Variants in MTHFD1L observed in about 807,000 individuals in gnomAD.
MTHFD1L encodes the protein methylenetetrahydrofolate dehydrogenase (NADP+ dependent) 1 like.
A neutral mutation model predicts 119.5 loss-of-function variants in MTHFD1L; 81 were observed. The ratio of observed to expected loss-of-function variants is 0.68; its 90% CI spans 0.57 to 0.82. The LOEUF is 0.82. Among genes scored for constraint, MTHFD1L ranks in the 40% least tolerant of loss-of-function variants. The pLI is 0.00. For missense variants in MTHFD1L, 1,125 were observed against 1,253.4 expected, an observed-to-expected ratio of 0.90 and a Z score of 1.55; for synonymous variants, 430 against 475.2, an observed-to-expected ratio of 0.90 and a Z score of 1.24.
At chr6:150,984,597 TAAAGTA>T (rs1333721690) in intron 20 of MTHFD1L, among the ~76,000 whole-genome samples, 7 of 144,370 alleles carry the variant, frequency 4.8e-5, no homozygotes, top group Non-Finnish European at 7.7e-5. Flanking sequence ...GGAAGATAAA[TAAAGTA>T]AAAGTAAAAA....
At position 150,960,429 on chromosome 6, in the gene MTHFD1L, A is replaced by C; in HGVS notation, c.1944+14A>C. 6.2e-7 allele frequency: 1 copy of C among 1,600,198 alleles called. No individual in the cohort carries two copies. The highest frequency in any genetic ancestry group is 8.5e-7 in the Non-Finnish European group (1 of 1,172,756). ...GCAGATGATTTGGTGAGTGTTTCCA[A>C]CTCGGAAGCTTCAGGGAGTGGACGG... is the stretch of plus-strand genomic sequence containing the variant. On this transcript the variant is annotated intron_variant, in intron 18 of 27. Coordinates refer to ENST00000367321, the MANE Select transcript of MTHFD1L (RefSeq NM_015440.5).
intron 21 of MTHFD1L, among the ~76,000 whole-genome samples, chr6:151,012,971 C>T (rs1185564309): frequency 2.0e-5 from 3 of 152,222 alleles, no homozygotes; most frequent in Non-Finnish European, 2.9e-5. Context: ...AACTTGCCTA[C>T]TCAGAGGCTG....
rs751835547 is a variant in MTHFD1L at position 150,939,683 on chromosome 6, C to CTTTTTTTTTTTTT, written c.1440+945_1440+957dup. On this transcript the variant is annotated intron_variant, in intron 13 of 27. Transcript: ENST00000367321. ...TACTGCGTCAAGCTCCTTGCAGACT[C>CTTTTTTTTTTTTT]TTTTTTTTTTTTTTTTTTTGAGACA... Among the ~76,000 whole-genome samples, 6 of 108,456 alleles carry CTTTTTTTTTTTTT rather than the reference C, an allele frequency of 5.5e-5. 1 individual carries two copies. Among genetic ancestry groups the CTTTTTTTTTTTTT allele is most frequent in the African/African-American group, 1.3e-4 (3 of 23,466 alleles). The allele number at this position is 108,456 out of a possible 152,430, so 71.2% of individuals were successfully genotyped here.
At chr6:150,897,429 G>A (rs970814628) in intron 7 of MTHFD1L, among the ~76,000 whole-genome samples, 12 of 152,216 alleles carry the variant, frequency 7.9e-5, no homozygotes, top group African/African-American at 2.4e-4. Context: ...TATAAATGGT[G>A]TTAGGGTCAT....
chr6:151,038,135 G>A (rs1355289084), intron 26 of MTHFD1L, among the ~76,000 whole-genome samples: 1 of 152,198 alleles, frequency 6.6e-6, no homozygotes, highest in Non-Finnish European at 1.5e-5. Flanking sequence ...GAGGCACAGA[G>A]ATTTTAGGAT....
chr6:150,938,416 A>G (rs1792490212), intron 12 of MTHFD1L, among the ~76,000 whole-genome samples: 2 of 152,236 alleles, frequency 1.3e-5, no homozygotes, highest in African/African-American at 4.8e-5. Flanking sequence ...TAAATTATCA[A>G]AATATTCTCA....
At chr6:150,952,129 G>A (rs1794955435) in intron 16 of MTHFD1L, among the ~76,000 whole-genome samples, 1 of 152,148 alleles carries the variant, frequency 6.6e-6, no homozygotes, top group Non-Finnish European at 1.5e-5. Context: ...ACTTTTAATG[G>A]AAGTGACAAC....
chr6:151,092,348 C>A, intron 26 of MTHFD1L, 119 bp from the exon 27 acceptor site: 1 of 689,498 alleles, frequency 1.5e-6, no homozygotes, highest in Non-Finnish European at 2.5e-6. Context: ...GAGATATATC[C>A]CATATAAAAC....
chr6:150,976,855 G>A (rs997066999), intron 20 of MTHFD1L, among the ~76,000 whole-genome samples: 27 of 152,228 alleles, frequency 1.8e-4, no homozygotes, highest in African/African-American at 4.8e-4. Context: ...AAGGTGATTC[G>A]CAGCAAATGA....
chr6:150,876,284 G>A, intron 2 of MTHFD1L, 110 bp downstream of exon 2: 1 of 854,326 alleles, frequency 1.2e-6, no homozygotes, highest in Non-Finnish European at 1.7e-6. Flanking sequence ...AGAGGGCTCA[G>A]TTGGCAATGC....
intron 20 of MTHFD1L, among the ~76,000 whole-genome samples, chr6:150,991,011 C>G (rs1778990742): frequency 6.6e-6 from 1 of 152,130 alleles, no homozygotes; most frequent in Admixed American, 6.6e-5. Flanking sequence ...CACATGCCAC[C>G]ATGCCTGGCT....
chr6:150,885,531 A>C, intron 5 of MTHFD1L, 103 bp from the exon 6 acceptor site: 1 of 816,094 alleles, frequency 1.2e-6, no homozygotes, highest in Non-Finnish European at 2.1e-6. Context: ...TGTCTATCAA[A>C]CATTGACTTG....
intron 19 of MTHFD1L, among the ~76,000 whole-genome samples, chr6:150,965,660 GA>G (rs5880907): frequency 0.16 from 23,391 of 144,336 alleles, 2,431 homozygotes; most frequent in African/African-American, 0.3. Flanking sequence ...GACTCCGTCT[GA>G]AAAAAAAAAA....
intron 20 of MTHFD1L, among the ~76,000 whole-genome samples, chr6:150,998,209 A>C (rs1381223456): frequency 1.3e-5 from 2 of 152,174 alleles, no homozygotes; most frequent in African/African-American, 4.8e-5. Context: ...ATGACAAACT[A>C]CTGGGACTCT....
intron 24 of MTHFD1L, among the ~76,000 whole-genome samples, chr6:151,028,750 C>T (rs1405107020): frequency 6.6e-6 from 1 of 152,124 alleles, no homozygotes; most frequent in Non-Finnish European, 1.5e-5. Flanking sequence ...ATGGACTTAA[C>T]GCTACTGAAC....
intron 19 of MTHFD1L, among the ~76,000 whole-genome samples, chr6:150,967,849 C>T (rs148119691): frequency 6.6e-6 from 1 of 152,180 alleles, no homozygotes; most frequent in East Asian, 1.9e-4. Context: ...CTCTCCTCAG[C>T]AGCCATAGAG....
At chr6:150,937,352 C>G (rs897635391) in intron 12 of MTHFD1L, among the ~76,000 whole-genome samples, 2 of 152,166 alleles carry the variant, frequency 1.3e-5, no homozygotes, top group African/African-American at 4.8e-5. Context: ...CCGCAGAGCT[C>G]TCTGGAGACG....
intron 11 of MTHFD1L, among the ~76,000 whole-genome samples, chr6:150,933,555 C>A (rs1280714305): frequency 6.6e-6 from 1 of 152,112 alleles, no homozygotes; most frequent in Non-Finnish European, 1.5e-5. Flanking sequence ...GGTCATGTGG[C>A]TTCAGGAGTC....
Position 150,922,309 on chromosome 6 carries a change from C to T in MTHFD1L, c.1082+7C>T, listed in dbSNP as rs772060230. On this transcript the variant is annotated splice_region_variant and intron_variant, in intron 10 of 27. Coordinates refer to ENST00000367321, the MANE Select transcript of MTHFD1L (RefSeq NM_015440.5). Reference sequence around the variant, plus strand: ...CTCTCTCCCCTGTGCCAAGGTAACACTGGTGTTTTATTTACACTGATGTCA... The same window carrying T: ...CTCTCTCCCCTGTGCCAAGGTAACATTGGTGTTTTATTTACACTGATGTCA... 3.1e-6 allele frequency: 5 copies of T among 1,612,168 alleles called. No individual in the cohort carries two copies. Among genetic ancestry groups the T allele is most frequent in the Non-Finnish European group, 4.2e-6 (5 of 1,178,290 alleles).
Sources: gnomAD v4.1 joint callset for allele counts (sites outside exome capture counted in the v4.1 genomes callset) on GRCh38, gnomAD v4.1.1 for gene constraint, MANE v1.5 for transcripts, NCBI Gene and HGNC (gene_info 2026-07-23, HGNC 2026-07-21) for gene names.